The following DPY19L1 variants were observed in gnomAD, a reference collection of about 807,000 sequenced individuals.
DPY19L1 encodes protein C-mannosyl-transferase DPY19L1.
A neutral mutation model predicts 96.9 loss-of-function variants in DPY19L1; 35 were observed. The observed-to-expected ratio is 0.36, with a 90% confidence interval of 0.28 to 0.48. The LOEUF is 0.48. DPY19L1 is among the 20% of genes least tolerant of loss of function. The probability of loss-of-function intolerance (pLI) is 0.99; values close to 1 mark genes in which losing one functional copy is unlikely to be tolerated. For synonymous variants in DPY19L1, 205 were observed against 252.6 expected (o/e 0.81, Z 1.79); for missense variants, 521 against 777.9 (o/e 0.67, Z 3.93).
At chr7:35,010,838 TGTGACTCTTTCAACAGA>T (rs1182187605) in intron 5 of DPY19L1, among the ~76,000 whole-genome samples, 1 of 152,130 alleles carries the variant, frequency 6.6e-6, no homozygotes, top group East Asian at 1.9e-4. Context: ...TCATTGGGCT[TGTGACTCTTTCAACAGA>T]GTATGGCAGA....
At chr7:35,036,764 T>C (rs1786411337) in intron 1 of DPY19L1, among the ~76,000 whole-genome samples, 1 of 151,922 alleles carries the variant, frequency 6.6e-6, no homozygotes. Flanking sequence ...CGGCCAGTCG[T>C]ACCAATCAGC....
In DPY19L1 at chr7:35,027,668, T is replaced by TAA. The variant is rs57262214; in HGVS notation, c.299-9074_299-9073dup. 3.9e-3 allele frequency among the ~76,000 whole-genome samples: 277 copies of TAA among 71,390 alleles called. 23 individuals carry two copies. Among genetic ancestry groups the TAA allele is most frequent in the East Asian group, 5.7e-3 (15 of 2,626 alleles). 46.8% of individuals were successfully genotyped at this position (71,390 alleles called of 152,430 possible). A position where few individuals can be genotyped will look rare whatever the true frequency, so the allele number is the denominator to read the frequency against. On this transcript the variant is annotated intron_variant, in intron 1 of 21. Transcript: ENST00000638088. ...CAACATGGCAAAACCCCGTCTCTAC[T>TAA]AAAAAAAAAAAAAAAAAAAATTAGT...
At chr7:34,960,492 T>C (rs1784480269) in intron 10 of DPY19L1, among the ~76,000 whole-genome samples, 1 of 152,182 alleles carries the variant, frequency 6.6e-6, no homozygotes, top group South Asian at 2.1e-4. Flanking sequence ...TCAATGAATA[T>C]GATTTCATTG....
At chr7:34,991,338 C>A (rs1339920058) in intron 6 of DPY19L1, among the ~76,000 whole-genome samples, 1 of 152,064 alleles carries the variant, frequency 6.6e-6, no homozygotes, top group South Asian at 2.1e-4. Flanking sequence ...TTTTGCCTAC[C>A]GATTATCAGC....
At chr7:34,998,580 A>G (rs544484724) in intron 6 of DPY19L1, among the ~76,000 whole-genome samples, 2 of 152,310 alleles carry the variant, frequency 1.3e-5, no homozygotes, top group South Asian at 2.1e-4. Flanking sequence ...GAAGAATCAG[A>G]TATGTCTCCC....
rs774611342 is a variant in DPY19L1 at position 35,010,453 on chromosome 7, C to T, written c.764+15G>A. On this transcript the variant is annotated intron_variant, in intron 6 of 21. Coordinates refer to ENST00000638088, the MANE Select transcript of DPY19L1 (RefSeq NM_001366673.1). ...TTTTAGTATATCTTATAAACACATA[C>T]TAAAATATTCTTACCTTAAATATGT... 3 of 1,431,492 alleles carry T rather than the reference C, an allele frequency of 2.1e-6. No homozygotes were observed. The highest frequency in any genetic ancestry group is 1.4e-5 in the African/African-American group (1 of 69,782). 88.7% of individuals were successfully genotyped at this position (1,431,492 alleles called of 1,614,324 possible). A position where few individuals can be genotyped will look rare whatever the true frequency, so the allele number is the denominator to read the frequency against.
chr7:34,977,914 C>T (rs1403004061), intron 7 of DPY19L1, among the ~76,000 whole-genome samples: 1 of 151,880 alleles, frequency 6.6e-6, no homozygotes, highest in Non-Finnish European at 1.5e-5. Context: ...GCACAAACTT[C>T]TATCTAGTAT....
In DPY19L1 at chr7:35,021,549, T is replaced by G. The variant is rs329246; in HGVS notation, c.299-2953A>C. On this transcript the variant is annotated intron_variant, in intron 1 of 21. Transcript: ENST00000638088. ...GAATGCTTATTACACACCCAACACT[T>G]TATAAGTACTTTACTTGTACTAGCC... 7.7e-3 allele frequency among the ~76,000 whole-genome samples: 1,170 copies of G among 152,346 alleles called. 10 individuals are homozygous for G. Among genetic ancestry groups the G allele is most frequent in the African/African-American group, 0.026 (1,086 of 41,570 alleles).
chr7:34,945,789 A>G, intron 15 of DPY19L1, 73 bp from the exon 16 acceptor site: 1 of 991,196 alleles, frequency 1.0e-6, no homozygotes, highest in Non-Finnish European at 1.6e-6. Context: ...AGTATCTTCT[A>G]AACTGTAAAA....
chr7:35,034,559 CAT>C (rs893891759), intron 1 of DPY19L1, among the ~76,000 whole-genome samples: 3 of 152,134 alleles, frequency 2.0e-5, no homozygotes, highest in African/African-American at 7.2e-5. Context: ...ATAAGAAAAA[CAT>C]ATATTTATGA....
At chr7:34,996,990 T>C (rs983121297) in intron 6 of DPY19L1, among the ~76,000 whole-genome samples, 1 of 152,098 alleles carries the variant, frequency 6.6e-6, no homozygotes, top group Non-Finnish European at 1.5e-5. Context: ...ACGCCAGAGA[T>C]ACTCTGAAGC....
At chr7:35,015,740 T>C (rs1423824275) in intron 3 of DPY19L1, among the ~76,000 whole-genome samples, 1 of 152,210 alleles carries the variant, frequency 6.6e-6, no homozygotes, top group Non-Finnish European at 1.5e-5. Context: ...CTTTCATCCC[T>C]TTACTTTCTT....
chr7:35,027,688 A>AAAAAAAAAAAAAAAAAAC (rs1786160235), intron 1 of DPY19L1, among the ~76,000 whole-genome samples: 1 of 148,704 alleles, frequency 6.7e-6, no homozygotes, highest in African/African-American at 2.5e-5. Flanking sequence ...AAAAAAAAAA[A>AAAAAAAAAAAAAAAAAAC]TTAGTTGGGC....
At chr7:35,017,425 G>A (rs2128679832) in intron 3 of DPY19L1, among the ~76,000 whole-genome samples, 1 of 149,486 alleles carries the variant, frequency 6.7e-6, no homozygotes, top group African/African-American at 2.5e-5. Context: ...AACCCGGGAA[G>A]CGGAGCTTGC....
At chr7:35,023,547 T>A (rs1786045402) in intron 1 of DPY19L1, among the ~76,000 whole-genome samples, 2 of 152,228 alleles carry the variant, frequency 1.3e-5, no homozygotes, top group South Asian at 4.1e-4. Context: ...TCATAAATAG[T>A]ATTTGCCTTA....
At chr7:35,009,880 G>A (rs1168078301) in intron 6 of DPY19L1, among the ~76,000 whole-genome samples, 1 of 152,034 alleles carries the variant, frequency 6.6e-6, no homozygotes. Context: ...CAATATATTA[G>A]ATATTCCATA....
Position 34,967,027 on chromosome 7 carries a change from TGAA to T in DPY19L1, c.1015-59_1015-57del, listed in dbSNP as rs1784625958. 7 of 1,317,888 alleles carry T rather than the reference TGAA, an allele frequency of 5.3e-6. No individual in the cohort carries two copies. In the Admixed American group the frequency reaches 8.0e-5, roughly 15 times the overall value. 81.6% of individuals were successfully genotyped at this position (1,317,888 alleles called of 1,614,324 possible). ...AAGATAAAATGAATAGCTACAAGAA[TGAA>T]GAATATATTTACTGTTGTTTCAACT... On this transcript the variant is annotated intron_variant, in intron 9 of 21. Transcript: ENST00000638088.
chr7:34,998,473 AGT>A (rs1206618287), intron 6 of DPY19L1, among the ~76,000 whole-genome samples: 3 of 152,334 alleles, frequency 2.0e-5, no homozygotes, highest in African/African-American at 7.2e-5. Context: ...TGCCTCAGAA[AGT>A]GTGTGCTCAG....
intron 4 of DPY19L1, among the ~76,000 whole-genome samples, chr7:35,013,029 T>C (rs1785752102): frequency 6.6e-6 from 1 of 152,134 alleles, no homozygotes; most frequent in African/African-American, 2.4e-5. Context: ...TGCAGGTAAA[T>C]AAGTAGTTTC....
Sources: allele counts gnomAD v4.1 joint callset (sites outside exome capture counted in the v4.1 genomes callset), GRCh38; gene constraint gnomAD v4.1.1; transcripts MANE v1.5; gene names NCBI Gene and HGNC (gene_info 2026-07-23, HGNC 2026-07-21).